PLEKHH2: variants seen among roughly 807,000 people sequenced by gnomAD.
PLEKHH2 encodes pleckstrin homology domain-containing family H member 2.
A neutral mutation model predicts 187.9 loss-of-function variants in PLEKHH2; 129 were observed. The ratio of observed to expected loss-of-function variants is 0.69; its 90% confidence interval spans 0.59 to 0.79. The LOEUF (loss-of-function observed/expected upper bound fraction) is 0.79. Among genes scored for constraint, PLEKHH2 ranks in the 30% least tolerant of loss-of-function variants. The pLI is 0.00. For missense variants in PLEKHH2, 2,076 were observed against 1,751.2 expected, an observed-to-expected ratio of 1.19 and a Z score of -3.31; for synonymous variants, 686 against 605.6, an observed-to-expected ratio of 1.13 and a Z score of -1.95.
rs1432852522 is a variant in PLEKHH2, at chr2:43,758,913, C to A, written c.3955C>A (p.Arg1319=). Residue 1319 remains arginine (R), a synonymous_variant, in exon 27 of 30, where the codon CGA becomes AGA. Transcript: ENST00000282406. ...SEEQLRQLCQ[R]LSTRWMALRG... ...CTTTTTTTTTAGGCAGCTTTGCCAG[C>A]GACTTTCAACCAGATGGATGGCCCT... The A allele has an allele frequency of 1.9e-6, 3 of 1,574,608 alleles. No homozygotes were observed. The highest frequency in any genetic ancestry group is 2.6e-6 in the Non-Finnish European group (3 of 1,159,406).
intron 1 of PLEKHH2, among the ~76,000 whole-genome samples, chr2:43,640,979 G>C (rs1048804149): frequency 4.0e-5 from 5 of 125,068 alleles, no homozygotes; most frequent in African/African-American, 1.5e-4. Flanking sequence ...TTTTAATAAA[G>C]ACAGGGTTTT....
intron 27 of PLEKHH2, among the ~76,000 whole-genome samples, chr2:43,761,315 C>A (rs557838520): frequency 2.6e-5 from 4 of 151,448 alleles, no homozygotes; most frequent in African/African-American, 9.7e-5. Context: ...CAAAAACATT[C>A]ATGGGTTTCA....
At chr2:43,650,995 T>G (rs1211284679) in intron 2 of PLEKHH2, among the ~76,000 whole-genome samples, 1 of 152,040 alleles carries the variant, frequency 6.6e-6, no homozygotes, top group African/African-American at 2.4e-5. Context: ...TAAAATAATC[T>G]AAGTTTTATT....
At chr2:43,704,190 G>C in intron 9 of PLEKHH2, 134 bp downstream of exon 9, 1 of 596,386 alleles carries the variant, frequency 1.7e-6, no homozygotes, top group Non-Finnish European at 2.8e-6. Flanking sequence ...GTGTTTAAAG[G>C]GTCAAATTCA....
chr2:43,743,217 G>T (rs561838218), intron 22 of PLEKHH2, among the ~76,000 whole-genome samples: 1 of 152,236 alleles, frequency 6.6e-6, no homozygotes. Context: ...CACCTCCTAG[G>T]TGTGGAAATA....
intron 19 of PLEKHH2, among the ~76,000 whole-genome samples, chr2:43,733,537 G>A (rs1671149029): frequency 6.6e-6 from 1 of 151,894 alleles, no homozygotes; most frequent in Non-Finnish European, 1.5e-5. Context: ...TTTTGGCTTT[G>A]TCTTGCCTAA....
At chr2:43,669,490 G>GA (rs924376956) in intron 2 of PLEKHH2, among the ~76,000 whole-genome samples, 30 of 151,782 alleles carry the variant, frequency 2.0e-4, no homozygotes, top group African/African-American at 5.8e-4. Flanking sequence ...TAAATAGTGG[G>GA]AAAAAATAAA....
Position 43,742,791 on chromosome 2 carries a change from C to T in PLEKHH2, c.3272C>T (p.Thr1091Met), listed in dbSNP as rs34444853. 2.0e-5 allele frequency: 32 copies of T among 1,604,152 alleles called. No homozygotes were observed. The highest frequency in any genetic ancestry group is 3.4e-5 in the South Asian group (3 of 88,854). ...TACTGCCAGCGTTGTGTAGAAAGAACGCAACAAAATGGTGACAGAGAAGCA... is the reference window on the plus strand; with the variant it reads ...TACTGCCAGCGTTGTGTAGAAAGAATGCAACAAAATGGTGACAGAGAAGCA... ...AIYCQRCVER[T>M]QQNGDREARP... Residue 1091 changes from threonine to methionine, a missense_variant, in exon 22 of 30, where the codon ACG (threonine) becomes ATG (methionine). Transcript: ENST00000282406.
chr2:43,681,168 C>G, intron 3 of PLEKHH2: 2 of 702,518 alleles, frequency 2.8e-6, no homozygotes, highest in Non-Finnish European at 5.0e-6. Context: ...CTCAGAACAT[C>G]CTTTTGGTCC....
chr2:43,644,815 C>G lies in PLEKHH2; in HGVS notation c.123+19C>G, dbSNP rs2104327648. ...AGAGAAGGTAAGCTTTCTCCCTAAG[C>G]TTTGTTATTAAATGTCAGCTATTTA... On this transcript the variant is annotated intron_variant, in intron 2 of 29. Coordinates refer to ENST00000282406, the MANE Select transcript of PLEKHH2 (RefSeq NM_172069.4). 1 of 1,587,646 alleles carries G rather than the reference C, an allele frequency of 6.3e-7. No homozygotes were observed. The highest frequency in any genetic ancestry group is 8.6e-7 in the Non-Finnish European group (1 of 1,167,528).
chr2:43,676,450 C>CGGTGG, intron 2 of PLEKHH2: 1 of 686,802 alleles, frequency 1.5e-6, no homozygotes, highest in East Asian at 2.7e-5. Flanking sequence ...GGTCGCTTCT[C>CGGTGG]GGTGGCGTAG....
intron 24 of PLEKHH2, among the ~76,000 whole-genome samples, chr2:43,746,814 C>G (rs1671795875): frequency 6.6e-6 from 1 of 151,806 alleles, no homozygotes; most frequent in Non-Finnish European, 1.5e-5. Flanking sequence ...ACTAAAAATA[C>G]AAAAAATTAG....
chr2:43,747,109 CCT>C (rs10696940), intron 24 of PLEKHH2, among the ~76,000 whole-genome samples: 30,538 of 125,132 alleles, frequency 0.24, 3,233 homozygotes, highest in Middle Eastern at 0.36. Context: ...TCTCTCTCTC[CCT>C]CTCTCTCTCT....
intron 24 of PLEKHH2, among the ~76,000 whole-genome samples, chr2:43,749,081 C>T (rs1204423926): frequency 2.0e-5 from 3 of 152,230 alleles, no homozygotes; most frequent in Non-Finnish European, 4.4e-5. Flanking sequence ...TAATCTAAAC[C>T]TTATGAATGC....
chr2:43,656,668 T>C lies in PLEKHH2; in HGVS notation c.123+11872T>C, dbSNP rs1666783796. 2.0e-5 allele frequency among the ~76,000 whole-genome samples: 3 copies of C among 152,220 alleles called. No individual in the cohort carries two copies. The South Asian group carries it at 6.2e-4, about 31-fold the overall frequency. On this transcript the variant is annotated intron_variant, in intron 2 of 29. Transcript: ENST00000282406. ...ATTTAGCCATTCCACGATGTATACA[T>C]ATTTAAAAACATCGTGTTGTGCACA...
At chr2:43,676,185 A>C in intron 2 of PLEKHH2, 3 of 1,614,032 alleles carry the variant, frequency 1.9e-6, no homozygotes, top group Non-Finnish European at 2.5e-6. Context: ...TGTTAGGTGG[A>C]CGAAGGTGAT....
At chr2:43,757,664 T>C (rs1435750438) in intron 26 of PLEKHH2, among the ~76,000 whole-genome samples, 2 of 152,132 alleles carry the variant, frequency 1.3e-5, no homozygotes, top group Non-Finnish European at 2.9e-5. Context: ...ATGAACTGCC[T>C]GTCTCAGCCT....
At position 43,738,461 on chromosome 2, in the gene PLEKHH2, T is replaced by C; in HGVS notation, c.3064T>C (p.Cys1022Arg). ...TCCTGAGCTGCAGAATGAAATTTGC[T>C]GTCAGCTTATTAAACAGACAAGACG... ...THPELQNEIC[C>R]QLIKQTRRRQ... is the part of the protein sequence containing the mutation. Residue 1022 changes from cysteine to arginine, a missense_variant, in exon 20 of 30, where the codon TGT becomes CGT. Coordinates refer to ENST00000282406, the MANE Select transcript of PLEKHH2 (RefSeq NM_172069.4). The C allele has an allele frequency of 1.2e-6, 2 of 1,613,980 alleles. No individual in the cohort carries two copies. The highest frequency in any genetic ancestry group is 2.2e-5 in the South Asian group (2 of 91,046).
At position 43,757,240 on chromosome 2, in the gene PLEKHH2, A is replaced by T; in HGVS notation, c.3917A>T (p.Asp1306Val). The change falls in exon 26 of 30, where the codon GAT becomes GTT. Residue 1306 changes from aspartate to valine, a missense_variant. Physicochemically the swap from Asp to Val is radical, Grantham distance 152 (BLOSUM62 -3). Coordinates refer to ENST00000282406, the MANE Select transcript of PLEKHH2 (RefSeq NM_172069.4). ...IEKFYPKRYR[D>V]GCSEEQLRQL... ...AAATTTTATCCTAAAAGGTATAGAGATGGCTGTTCTGAAGAGCAGTTAAGG... is the reference window on the plus strand; with the variant it reads ...AAATTTTATCCTAAAAGGTATAGAGTTGGCTGTTCTGAAGAGCAGTTAAGG... 1 of 1,587,422 alleles carries T rather than the reference A, an allele frequency of 6.3e-7. No homozygotes were observed. The highest frequency in any genetic ancestry group is 8.6e-7 in the Non-Finnish European group (1 of 1,169,510).
Sources: allele counts gnomAD v4.1 joint callset (sites outside exome capture counted in the v4.1 genomes callset), GRCh38; gene constraint gnomAD v4.1.1; transcripts MANE v1.5; gene names NCBI Gene and HGNC (gene_info 2026-07-23, HGNC 2026-07-21).